Variants in STK32B observed in about 807,000 individuals in gnomAD.
The protein encoded by STK32B is serine/threonine kinase 32B, also known as serine/threonine-protein kinase 32B.
In STK32B, 43 loss-of-function variants were observed where a neutral mutation model predicts 52.6. The observed-to-expected ratio is 0.82, with a 90% CI of 0.64 to 1.05. The LOEUF is 1.05. STK32B is among the 50% of genes least tolerant of loss of function. STK32B has a pLI of 0.00. For missense variants in STK32B, 621 were observed against 534.6 expected (o/e 1.16, Z -1.59); for synonymous variants, 238 against 204.3 (o/e 1.17, Z -1.41).
intron 4 of STK32B, among the ~76,000 whole-genome samples, chr4:5,361,305 C>T (rs1473650416): frequency 6.6e-6 from 1 of 152,120 alleles, no homozygotes; most frequent in Non-Finnish European, 1.5e-5. Flanking sequence ...TCTTTGACAC[C>T]CTGCTTTCAG....
At chr4:5,195,338 C>T (rs1480454706) in intron 3 of STK32B, among the ~76,000 whole-genome samples, 2 of 152,136 alleles carry the variant, frequency 1.3e-5, no homozygotes, top group Non-Finnish European at 2.9e-5. Context: ...GCTGCCTCCT[C>T]CCCTTCCTCC....
At chr4:5,162,348 G>A (rs1718514530) in intron 2 of STK32B, among the ~76,000 whole-genome samples, 1 of 152,102 alleles carries the variant, frequency 6.6e-6, no homozygotes, top group Non-Finnish European at 1.5e-5. Flanking sequence ...AAAATCCCAG[G>A]GCCTCCTAGA....
At chr4:5,150,558 A>G (rs1433979691) in intron 2 of STK32B, among the ~76,000 whole-genome samples, 4 of 149,590 alleles carry the variant, frequency 2.7e-5, no homozygotes, top group African/African-American at 9.7e-5. Flanking sequence ...TTTGGCAGGC[A>G]CATGAATCTC....
At chr4:5,443,518 A>G (rs1333400470) in intron 6 of STK32B, among the ~76,000 whole-genome samples, 1 of 151,910 alleles carries the variant, frequency 6.6e-6, no homozygotes, top group African/African-American at 2.4e-5. Context: ...CATTTTTTTC[A>G]AAGTTTTCAA....
chr4:5,416,428 G>A (rs1712165394), intron 5 of STK32B, among the ~76,000 whole-genome samples: 1 of 152,062 alleles, frequency 6.6e-6, no homozygotes, highest in African/African-American at 2.4e-5. Flanking sequence ...AATGACCATA[G>A]CGGACAAACA....
intron 3 of STK32B, among the ~76,000 whole-genome samples, chr4:5,309,440 G>A (rs906526480): frequency 2.0e-4 from 31 of 152,032 alleles, no homozygotes; most frequent in African/African-American, 7.2e-4. Context: ...GCAATCCTGA[G>A]CAAAAAGAAC....
At chr4:5,319,432 G>A (rs1731338924) in intron 3 of STK32B, among the ~76,000 whole-genome samples, 1 of 152,206 alleles carries the variant, frequency 6.6e-6, no homozygotes, top group Admixed American at 6.5e-5. Context: ...ACTCAAATCT[G>A]ACAAGGACTT....
intron 1 of STK32B, among the ~76,000 whole-genome samples, chr4:5,095,060 C>T (rs1192924727): frequency 6.6e-6 from 1 of 152,184 alleles, no homozygotes; most frequent in Non-Finnish European, 1.5e-5. Flanking sequence ...GCTAATGGCA[C>T]TGAGACCAGG....
chr4:5,140,116 C>T (rs990344106), intron 2 of STK32B, 156 bp downstream of exon 2: 20 of 1,397,966 alleles, frequency 1.4e-5, no homozygotes, highest in African/African-American at 8.6e-5. Context: ...AGTTTCCTTG[C>T]GATCTGGTGT....
At chr4:5,403,769 A>G (rs1291454081) in intron 5 of STK32B, among the ~76,000 whole-genome samples, 1 of 152,140 alleles carries the variant, frequency 6.6e-6, no homozygotes, top group African/African-American at 2.4e-5. Context: ...AGACTCCAGG[A>G]AATTAAAAAA....
intron 3 of STK32B, among the ~76,000 whole-genome samples, chr4:5,260,362 G>C (rs868234442): frequency 6.6e-6 from 1 of 152,162 alleles, no homozygotes; most frequent in Non-Finnish European, 1.5e-5. Context: ...AGATGATTGA[G>C]ATGGGGCCAG....
chr4:5,373,416 G>A (rs1314716653), intron 4 of STK32B, among the ~76,000 whole-genome samples: 1 of 152,178 alleles, frequency 6.6e-6, no homozygotes, highest in African/African-American at 2.4e-5. Context: ...TGAGTCCGAA[G>A]GTAGTAAAAA....
chr4:5,234,858 C>T (rs78172625), intron 3 of STK32B, among the ~76,000 whole-genome samples: 4,633 of 152,326 alleles, frequency 0.03, 226 homozygotes, highest in African/African-American at 0.1. Flanking sequence ...TCTAAGAAAT[C>T]TTTATGCCCA....
intron 1 of STK32B, among the ~76,000 whole-genome samples, chr4:5,080,845 T>G (rs73200927): frequency 6.6e-6 from 1 of 151,894 alleles, no homozygotes; most frequent in Non-Finnish European, 1.5e-5. Context: ...CTACAATACA[T>G]TATTAGTAAC....
chr4:5,322,544 C>T (rs1731579205), intron 3 of STK32B, among the ~76,000 whole-genome samples: 1 of 152,156 alleles, frequency 6.6e-6, no homozygotes, highest in African/African-American at 2.4e-5. Flanking sequence ...TTTCTGAATC[C>T]CACAGAGTCA....
At chr4:5,231,609 C>T (rs1023023658) in intron 3 of STK32B, among the ~76,000 whole-genome samples, 3 of 152,082 alleles carry the variant, frequency 2.0e-5, no homozygotes, top group Middle Eastern at 3.4e-3. Context: ...AAGCCTCTGT[C>T]TCAAAAACAG....
intron 4 of STK32B, among the ~76,000 whole-genome samples, chr4:5,335,568 G>T (rs1329385190): frequency 6.6e-6 from 1 of 151,992 alleles, no homozygotes; most frequent in East Asian, 1.9e-4. Context: ...AAATTGTGAT[G>T]TTAGGGTGTC....
At chr4:5,244,126 A>G (rs1023784605) in intron 3 of STK32B, among the ~76,000 whole-genome samples, 5 of 152,032 alleles carry the variant, frequency 3.3e-5, no homozygotes, top group African/African-American at 9.7e-5. Flanking sequence ...GTCTTTTTCT[A>G]TTGATTGGAA....
At chr4:5,451,926 C>A (rs1221897431) in intron 7 of STK32B, among the ~76,000 whole-genome samples, 1 of 152,160 alleles carries the variant, frequency 6.6e-6, no homozygotes, top group Non-Finnish European at 1.5e-5. Flanking sequence ...AACCCTCGCC[C>A]CTTTCACATC....
Sources: gnomAD v4.1 joint callset for allele counts (sites outside exome capture counted in the v4.1 genomes callset) on GRCh38, gnomAD v4.1.1 for gene constraint, MANE v1.5 for transcripts, NCBI Gene and HGNC (gene_info 2026-07-23, HGNC 2026-07-21) for gene names.